The following EFEMP1 variants were observed in gnomAD, a reference collection of about 807,000 sequenced individuals.
The protein encoded by EFEMP1 is EGF-containing fibulin-like extracellular matrix protein 1.
EFEMP1 carries 18 observed loss-of-function variants against 65.7 expected under a neutral mutation model. That is an observed-to-expected ratio of 0.27 (90% CI 0.19 to 0.41). EFEMP1 has a LOEUF of 0.41. Among genes scored for constraint, EFEMP1 ranks in the 10% least tolerant of loss-of-function variants. The pLI, the probability that EFEMP1 is intolerant of heterozygous loss-of-function variation, is 1.00. For synonymous variants in EFEMP1, 237 were observed against 219.7 expected, an observed-to-expected ratio of 1.08 and a Z score of -0.70; for missense variants, 469 against 624.8, an observed-to-expected ratio of 0.75 and a Z score of 2.66.
At position 55,876,569 on chromosome 2, in the gene EFEMP1, A is replaced by G. The variant is rs1374672378; in HGVS notation, c.880+54T>C. The G allele has an allele frequency of 1.6e-5, 26 of 1,601,032 alleles. No individual in the cohort carries two copies. The African/African-American group carries it at 3.1e-4, about 19-fold the overall frequency. Reference sequence around the variant, plus strand: ...AAATGGGTACATAATCAGATAAAACAACAGCAGTCACAGGAATTGGACTTT... The same window carrying G: ...AAATGGGTACATAATCAGATAAAACGACAGCAGTCACAGGAATTGGACTTT... On this transcript the variant is annotated intron_variant, in intron 8 of 11. Transcript: ENST00000355426.
At position 55,871,005 on chromosome 2, in the gene EFEMP1, T is replaced by C. The variant is rs148823921; in HGVS notation, c.1119A>G (p.Pro373=). 1.2e-6 allele frequency: 2 copies of C among 1,613,746 alleles called. No homozygotes were observed. The highest frequency in any genetic ancestry group is 1.7e-6 in the Non-Finnish European group (2 of 1,179,786). ...AAAGTTCTGATTTTTCTTACTTCTCTGGTGTTAGAATGTAGGGATCTTGAC... is the reference window on the plus strand; with the variant it reads ...AAAGTTCTGATTTTTCTTACTTCTCCGGTGTTAGAATGTAGGGATCTTGAC... ...NPCQDPYILT[P]ENRCVCPVSN... The change falls in exon 10 of 12, where the codon CCA becomes CCG. Residue 373 remains proline (P), a synonymous_variant. Transcript: ENST00000355426. This position sits in a 1 kb window ranked among gnomAD's most constrained non-coding sequence, Gnocchi z 4.2.
chr2:55,900,586 ATCT>A (rs1484759404), intron 5 of EFEMP1, among the ~76,000 whole-genome samples: 4 of 152,162 alleles, frequency 2.6e-5, no homozygotes, highest in African/African-American at 9.7e-5. Flanking sequence ...GTCTATTTCT[ATCT>A]TCTTTACCAA....
chr2:55,917,570 G>T lies in EFEMP1; in HGVS notation c.517+95C>A. ...GACAAAGCACTTAGCATGATGTCTG[G>T]CACGCGAGAAGTCCTTAATAAATTA... On this transcript the variant is annotated intron_variant, in intron 5 of 11. Transcript: ENST00000355426. The surrounding 1 kb of genome is among the most constrained non-coding windows in gnomAD (Gnocchi z 6.3). 6.7e-7 allele frequency: 1 copy of T among 1,485,662 alleles called. No homozygotes were observed. Among genetic ancestry groups the T allele is most frequent in the Non-Finnish European group, 9.4e-7 (1 of 1,063,870 alleles). 92.0% of individuals were successfully genotyped at this position (1,485,662 alleles called of 1,614,324 possible).
chr2:55,891,345 T>C (rs561207157), intron 5 of EFEMP1, among the ~76,000 whole-genome samples: 2 of 152,216 alleles, frequency 1.3e-5, no homozygotes, highest in East Asian at 3.9e-4. Context: ...ACATGCTACA[T>C]GCAAATATGA....
chr2:55,888,969 G>GCTC (rs1231681499), intron 5 of EFEMP1, among the ~76,000 whole-genome samples: 1 of 152,102 alleles, frequency 6.6e-6, no homozygotes, highest in African/African-American at 2.4e-5. Context: ...CACTTCCCCG[G>GCTC]CTCCGGCTCA....
chr2:55,881,188 G>C (rs1669225390), intron 6 of EFEMP1, among the ~76,000 whole-genome samples: 1 of 152,164 alleles, frequency 6.6e-6, no homozygotes, highest in South Asian at 2.1e-4. Context: ...ACTTGCTCAA[G>C]GTCTCAAAGC....
chr2:55,922,857 A>C lies in EFEMP1; in HGVS notation c.-8+42T>G, dbSNP rs575014938. The C allele has an allele frequency of 6.1e-6, 7 of 1,153,820 alleles. No homozygotes were observed. The highest frequency in any genetic ancestry group is 7.6e-6 in the Non-Finnish European group (7 of 924,774). The allele number at this position is 1,153,820 out of a possible 1,614,324, so 71.5% of individuals were successfully genotyped here. On this transcript the variant is annotated intron_variant, in intron 2 of 11. Coordinates refer to ENST00000355426, the MANE Select transcript of EFEMP1 (RefSeq NM_001039348.3). This position sits in a 1 kb window ranked among gnomAD's most constrained non-coding sequence, Gnocchi z 5.5. ...CGGGGGATGGAGGTGGGGCTGCAAAACTCTGTTCTCTAGAACGTTAAGGCT... is the reference window on the plus strand; with the variant it reads ...CGGGGGATGGAGGTGGGGCTGCAAACCTCTGTTCTCTAGAACGTTAAGGCT...
At chr2:55,892,614 A>G (rs1010500933) in intron 5 of EFEMP1, among the ~76,000 whole-genome samples, 11 of 152,144 alleles carry the variant, frequency 7.2e-5, no homozygotes, top group Admixed American at 4.6e-4. Context: ...GTGTTCCTAT[A>G]AAGTTACATA....
chr2:55,884,770 C>T (rs1316427536), intron 5 of EFEMP1, among the ~76,000 whole-genome samples: 1 of 152,160 alleles, frequency 6.6e-6, no homozygotes, highest in East Asian at 1.9e-4. Context: ...GACAGTTAAG[C>T]TCACTTGGTT....
intron 5 of EFEMP1, among the ~76,000 whole-genome samples, chr2:55,900,431 G>A (rs1194337520): frequency 6.6e-6 from 1 of 151,998 alleles, no homozygotes; most frequent in Non-Finnish European, 1.5e-5. Flanking sequence ...CACTCAACTG[G>A]CTCACAGAGG....
Position 55,885,564 on chromosome 2 carries a change from C to G in EFEMP1, c.518-3830G>C, listed in dbSNP as rs1669393244. On this transcript the variant is annotated intron_variant, in intron 5 of 11. Transcript: ENST00000355426. The surrounding 1 kb of genome is among the most constrained non-coding windows in gnomAD (Gnocchi z 4.3). ...CGTCATTCTAATACATTAACAATAG[C>G]TAATGGCAATATTTGGTGATTCCCT... Among the ~76,000 whole-genome samples the G allele has an allele frequency of 6.6e-6, 1 of 152,166 alleles. No individual in the cohort carries two copies. The highest frequency in any genetic ancestry group is 2.1e-4 in the South Asian group (1 of 4,830).
chr2:55,898,090 C>T (rs956851577), intron 5 of EFEMP1, among the ~76,000 whole-genome samples: 8 of 152,050 alleles, frequency 5.3e-5, no homozygotes, highest in Admixed American at 4.6e-4. Context: ...TCATACACTA[C>T]GATTAACGAA....
At chr2:55,905,836 T>C (rs1406710654) in intron 5 of EFEMP1, among the ~76,000 whole-genome samples, 1 of 152,222 alleles carries the variant, frequency 6.6e-6, no homozygotes, top group Non-Finnish European at 1.5e-5. Flanking sequence ...TAGTATAAGC[T>C]CTTTTTCTAA....
intron 5 of EFEMP1, among the ~76,000 whole-genome samples, chr2:55,889,824 T>TAA (rs3048101): frequency 0.41 from 57,633 of 142,016 alleles, 11,797 homozygotes; most frequent in East Asian, 0.71. Flanking sequence ...AAAGGAATGG[T>TAA]AAAAAAAAAA....
chr2:55,870,618 G>T lies in EFEMP1; in HGVS notation c.1320+102C>A. ...TACACATAAGACACTTTAAATGTTT[G>T]CTTTCCTTCCACATGTGGATACCAC... On this transcript the variant is annotated intron_variant, in intron 11 of 11. Coordinates refer to ENST00000355426, the MANE Select transcript of EFEMP1 (RefSeq NM_001039348.3). The surrounding 1 kb of genome is among the most constrained non-coding windows in gnomAD (Gnocchi z 5.8). 7.0e-7 allele frequency: 1 copy of T among 1,430,292 alleles called. No homozygotes were observed. Among genetic ancestry groups the T allele is most frequent in the Non-Finnish European group, 9.8e-7 (1 of 1,024,118 alleles). The allele number at this position is 1,430,292 out of a possible 1,614,324, so 88.6% of individuals were successfully genotyped here.
At chr2:55,902,261 A>C (rs2104426825) in intron 5 of EFEMP1, among the ~76,000 whole-genome samples, 1 of 152,380 alleles carries the variant, frequency 6.6e-6, no homozygotes, top group Non-Finnish European at 1.5e-5. Flanking sequence ...GGCAAGACTC[A>C]TGGCTTTGGT....
In EFEMP1 at chr2:55,919,084, A is replaced by G. The variant is rs1274219948; in HGVS notation, c.82-817T>C. On this transcript the variant is annotated intron_variant, in intron 3 of 11. Transcript: ENST00000355426. The surrounding 1 kb of genome is among the most constrained non-coding windows in gnomAD (Gnocchi z 4.5). The stretch of plus-strand genomic sequence containing the variant: ...GACTTGACAGAGGAGGTGACAGTAA[A>G]TCAGGCTTTACAGGATGAGCAGGAT... 4.6e-5 allele frequency among the ~76,000 whole-genome samples: 7 copies of G among 152,308 alleles called. No homozygotes were observed. In the South Asian group the frequency reaches 1.0e-3, roughly 23 times the overall value.
rs1316279676 is a variant in EFEMP1 at position 55,873,103 on chromosome 2, G to A, written c.1000+1843C>T. ...ACACACACACACACACACACACACA[G>A]TTTTCATTTGTATAGGCCTGTGAAA... On this transcript the variant is annotated intron_variant, in intron 9 of 11. Transcript: ENST00000355426. The surrounding 1 kb of genome is among the most constrained non-coding windows in gnomAD (Gnocchi z 4.6). 1.4e-5 allele frequency among the ~76,000 whole-genome samples: 1 copy of A among 69,970 alleles called. No homozygotes were observed. The highest frequency in any genetic ancestry group is 3.0e-5 in the Non-Finnish European group (1 of 32,840). 45.9% of individuals were successfully genotyped at this position (69,970 alleles called of 152,430 possible).
chr2:55,866,584 C>A lies in EFEMP1; in HGVS notation c.*489G>T. ...TTAGGCTGGATATGAAAATAAAAAC[C>A]AACACAAATATGGCAGATCCCCATT... On this transcript the variant is annotated 3_prime_UTR_variant, in exon 12 of 12. Transcript: ENST00000355426. 1 of 156,270 alleles carries A rather than the reference C, an allele frequency of 6.4e-6. No homozygotes were observed. The highest frequency in any genetic ancestry group is 1.4e-5 in the Non-Finnish European group (1 of 70,326). The allele number at this position is 156,270 out of a possible 1,614,324, so 9.7% of individuals were successfully genotyped here.
Sources: gnomAD v4.1 joint callset for allele counts (sites outside exome capture counted in the v4.1 genomes callset) on GRCh38, gnomAD v4.1.1 for gene constraint, Gnocchi (gnomAD v3.1) non-coding constraint, MANE v1.5 for transcripts, NCBI Gene and HGNC (gene_info 2026-07-23, HGNC 2026-07-21) for gene names.